NRXN3: variants seen among roughly 807,000 people sequenced by gnomAD.
NRXN3 encodes neurexin III.
Under a neutral mutation model 137.6 loss-of-function variants are expected in NRXN3, and 32 were observed. The observed-to-expected ratio is 0.23, with a 90% CI of 0.18 to 0.31. The LOEUF is 0.31. NRXN3 is among the 10% of genes least tolerant of loss of function. The probability of loss-of-function intolerance (pLI) is 1.00; values close to 1 mark genes in which losing one functional copy is unlikely to be tolerated. For synonymous variants in NRXN3, 798 were observed against 784.5 expected (o/e 1.02, Z -0.29); for missense variants, 1,574 against 2,062.5 (o/e 0.76, Z 4.59).
chr14:78,725,464 T>A (rs1304296277), intron 8 of NRXN3, among the ~76,000 whole-genome samples: 1 of 152,262 alleles, frequency 6.6e-6, no homozygotes, highest in Non-Finnish European at 1.5e-5. Flanking sequence ...CAGGATCTCA[T>A]CTCCAGCCAG....
At chr14:78,927,150 CAAAA>C (rs1555588692) in intron 10 of NRXN3, among the ~76,000 whole-genome samples, 2 of 111,722 alleles carry the variant, frequency 1.8e-5, no homozygotes, top group Non-Finnish European at 3.7e-5. Context: ...GTGAGACCCT[CAAAA>C]AAAAAAAAAA....
At chr14:78,404,999 T>G (rs2092386848) in intron 4 of NRXN3, among the ~76,000 whole-genome samples, 1 of 152,196 alleles carries the variant, frequency 6.6e-6, no homozygotes, top group Non-Finnish European at 1.5e-5. Flanking sequence ...ACAAGTTTAA[T>G]GAAAATTAAC....
intron 1 of NRXN3, among the ~76,000 whole-genome samples, chr14:78,192,790 G>T (rs1319447523): frequency 6.6e-6 from 1 of 152,174 alleles, no homozygotes; most frequent in Non-Finnish European, 1.5e-5. Flanking sequence ...AGAGGGCAGG[G>T]GTAGGAGAGG....
chr14:79,375,275 C>G (rs1353424981), intron 15 of NRXN3, among the ~76,000 whole-genome samples: 1 of 150,446 alleles, frequency 6.6e-6, no homozygotes, highest in Non-Finnish European at 1.5e-5. Context: ...ACTACACCCC[C>G]GCCTCCAGCT....
intron 16 of NRXN3, among the ~76,000 whole-genome samples, chr14:79,508,834 T>C (rs1312009602): frequency 6.6e-6 from 1 of 152,210 alleles, no homozygotes; most frequent in Non-Finnish European, 1.5e-5. Context: ...GATTACATTT[T>C]AGGAAACTGA....
At chr14:79,300,329 AAAC>A (rs1322491952) in intron 15 of NRXN3, among the ~76,000 whole-genome samples, 1 of 152,112 alleles carries the variant, frequency 6.6e-6, no homozygotes, top group Admixed American at 6.5e-5. Context: ...GCTACAAAAC[AAAC>A]AACACTAAAA....
At chr14:78,263,687 C>G (rs2071173470) in intron 2 of NRXN3, among the ~76,000 whole-genome samples, 1 of 152,130 alleles carries the variant, frequency 6.6e-6, no homozygotes, top group African/African-American at 2.4e-5. Flanking sequence ...GTGTGCCTAT[C>G]AAATTTTACC....
intron 16 of NRXN3, among the ~76,000 whole-genome samples, chr14:79,508,390 A>ATTTTTTTTTTTTTTTTTTTTTTTT (rs528502246): frequency 0.077 from 3,720 of 48,010 alleles, 1,391 homozygotes; most frequent in Non-Finnish European, 0.11. Flanking sequence ...ACAATAACTG[A>ATTTTTTTTTTTTTTTTTTTTTTTT]TTTTTTTTTT....
chr14:79,327,620 TATC>T (rs2091088241), intron 15 of NRXN3, among the ~76,000 whole-genome samples: 1 of 152,218 alleles, frequency 6.6e-6, no homozygotes, highest in Non-Finnish European at 1.5e-5. Flanking sequence ...GCAGTTCAGA[TATC>T]ATCTGTGTCC....
intron 15 of NRXN3, among the ~76,000 whole-genome samples, chr14:79,049,022 C>CAAAAAAA (rs1171306670): frequency 3.4e-5 from 1 of 29,484 alleles, no homozygotes; most frequent in African/African-American, 1.9e-4. Context: ...AACTCCGTCT[C>CAAAAAAA]AAAAAAAAAA....
chr14:78,544,073 G>A (rs1249159439), intron 4 of NRXN3, among the ~76,000 whole-genome samples: 2 of 152,182 alleles, frequency 1.3e-5, no homozygotes, highest in Non-Finnish European at 2.9e-5. Flanking sequence ...TACATTTCCA[G>A]GTTTACTCAG....
chr14:78,868,684 G>A (rs1356302623), intron 10 of NRXN3, among the ~76,000 whole-genome samples: 3 of 152,040 alleles, frequency 2.0e-5, no homozygotes, highest in African/African-American at 7.2e-5. Flanking sequence ...AGCCAGGCAT[G>A]TTGGTGCATG....
chr14:79,172,517 A>G (rs375573317), intron 15 of NRXN3, among the ~76,000 whole-genome samples: 84 of 152,344 alleles, frequency 5.5e-4, no homozygotes, highest in African/African-American at 2.0e-3. Context: ...GCACAGCTAA[A>G]TATTGGCAAA....
At chr14:78,997,988 T>C (rs1264191451) in intron 15 of NRXN3, among the ~76,000 whole-genome samples, 1 of 152,188 alleles carries the variant, frequency 6.6e-6, no homozygotes, top group East Asian at 1.9e-4. Flanking sequence ...TCCATCTATA[T>C]AACTGCAGGA....
intron 8 of NRXN3, among the ~76,000 whole-genome samples, chr14:78,721,050 A>G (rs1037245024): frequency 6.6e-6 from 1 of 152,160 alleles, no homozygotes; most frequent in Admixed American, 6.5e-5. Flanking sequence ...TGCAAACTCT[A>G]ATGCAATCTA....
intron 15 of NRXN3, among the ~76,000 whole-genome samples, chr14:79,069,444 G>C (rs1228712258): frequency 6.6e-6 from 1 of 151,990 alleles, no homozygotes; most frequent in African/African-American, 2.4e-5. Flanking sequence ...TTCCAGGCAT[G>C]AGGGGCTTGG....
chr14:78,764,506 G>A (rs1361700257), intron 8 of NRXN3, among the ~76,000 whole-genome samples: 1 of 152,132 alleles, frequency 6.6e-6, no homozygotes, highest in Non-Finnish European at 1.5e-5. Context: ...AAAACAACAT[G>A]TGGGAAACAT....
At chr14:78,951,394 C>T (rs2099386800) in intron 10 of NRXN3, among the ~76,000 whole-genome samples, 1 of 152,106 alleles carries the variant, frequency 6.6e-6, no homozygotes, top group Non-Finnish European at 1.5e-5. Context: ...TGCACCTTCT[C>T]AGAGAAGCCT....
At chr14:79,539,077 T>C (rs1449560327) in intron 16 of NRXN3, among the ~76,000 whole-genome samples, 1 of 152,236 alleles carries the variant, frequency 6.6e-6, no homozygotes, top group Non-Finnish European at 1.5e-5. Context: ...TGGTTGGTTT[T>C]GAGATGGAGT....
Sources: gnomAD v4.1 joint callset for allele counts (sites outside exome capture counted in the v4.1 genomes callset) on GRCh38, gnomAD v4.1.1 for gene constraint, MANE v1.5 for transcripts, NCBI Gene and HGNC (gene_info 2026-07-23, HGNC 2026-07-21) for gene names.